Variants in SLC35F3 observed in about 807,000 individuals in gnomAD.
SLC35F3 encodes the protein putative thiamine transporter SLC35F3.
Under a neutral mutation model 49.9 loss-of-function variants are expected in SLC35F3, and 25 were observed. That is an observed-to-expected ratio of 0.50 (90% confidence interval 0.37 to 0.70). The LOEUF (loss-of-function observed/expected upper bound fraction) is 0.70. SLC35F3 is among the 30% of genes least tolerant of loss of function. SLC35F3 has a pLI of 0.00. For missense variants in SLC35F3, 525 were observed against 639.8 expected (o/e 0.82, Z 1.94); for synonymous variants, 275 against 265.4 (o/e 1.04, Z -0.35).
chr1:234,302,132 C>T (rs1294320462), intron 3 of SLC35F3, among the ~76,000 whole-genome samples: 4 of 151,864 alleles, frequency 2.6e-5, no homozygotes, highest in African/African-American at 9.7e-5. Context: ...CACACCTGCA[C>T]ATTCTGCACA....
chr1:234,083,262 T>C (rs923074319), intron 2 of SLC35F3, among the ~76,000 whole-genome samples: 3 of 152,226 alleles, frequency 2.0e-5, no homozygotes, highest in Non-Finnish European at 4.4e-5. Context: ...GCATGCTAAT[T>C]CTCAAAGCAG....
intron 2 of SLC35F3, among the ~76,000 whole-genome samples, chr1:234,068,018 C>T (rs993415165): frequency 2.6e-5 from 4 of 152,130 alleles, no homozygotes; most frequent in Admixed American, 6.5e-5. Context: ...TTCAGGTAAC[C>T]GAGAGCCTTC....
At chr1:234,045,899 A>G (rs1664284332) in intron 2 of SLC35F3, among the ~76,000 whole-genome samples, 1 of 152,148 alleles carries the variant, frequency 6.6e-6, no homozygotes, top group Non-Finnish European at 1.5e-5. Context: ...AAGTGCCACA[A>G]AACTGGAGTA....
intron 2 of SLC35F3, among the ~76,000 whole-genome samples, chr1:233,924,827 G>C (rs1388410528): frequency 1.3e-5 from 2 of 152,184 alleles, no homozygotes; most frequent in Non-Finnish European, 2.9e-5. Flanking sequence ...ATTCTGGTAT[G>C]TTGTGTCTTT....
chr1:234,303,460 C>T (rs1166520675), intron 3 of SLC35F3, among the ~76,000 whole-genome samples: 1 of 152,228 alleles, frequency 6.6e-6, no homozygotes, highest in Non-Finnish European at 1.5e-5. Flanking sequence ...TGGAGCTGGC[C>T]TGCTTCCAGC....
chr1:233,915,158 C>A (rs1337188803), intron 2 of SLC35F3, among the ~76,000 whole-genome samples: 4 of 152,192 alleles, frequency 2.6e-5, no homozygotes, highest in East Asian at 1.9e-4. Flanking sequence ...TGTCAATCTG[C>A]TATCTACCAT....
At chr1:234,216,376 G>C (rs1170454231) in intron 2 of SLC35F3, among the ~76,000 whole-genome samples, 1 of 152,200 alleles carries the variant, frequency 6.6e-6, no homozygotes, top group Non-Finnish European at 1.5e-5. Context: ...CGCGGATGGT[G>C]GGGCTACCTG....
chr1:233,928,195 C>A (rs1401019312), intron 2 of SLC35F3, among the ~76,000 whole-genome samples: 1 of 152,036 alleles, frequency 6.6e-6, no homozygotes, highest in Non-Finnish European at 1.5e-5. Flanking sequence ...TCAAGTCGAC[C>A]TATAGTGAGC....
At chr1:234,286,410 C>T (rs1668420796) in intron 3 of SLC35F3, among the ~76,000 whole-genome samples, 1 of 152,176 alleles carries the variant, frequency 6.6e-6, no homozygotes, top group South Asian at 2.1e-4. Context: ...CGGGGGCGGG[C>T]AGCCCGAATG....
intron 7 of SLC35F3, among the ~76,000 whole-genome samples, chr1:234,322,685 G>GTA (rs1657652785): frequency 6.9e-6 from 1 of 144,726 alleles, no homozygotes. Flanking sequence ...GTGTGTGTGT[G>GTA]TACTATCTAT....
chr1:233,911,035 C>A (rs1423010536), intron 2 of SLC35F3, among the ~76,000 whole-genome samples: 1 of 152,114 alleles, frequency 6.6e-6, no homozygotes, highest in Non-Finnish European at 1.5e-5. Context: ...AAATGTAGGG[C>A]ACTGAATAAC....
rs117067402 is a variant in SLC35F3, at chr1:234,047,108, G to C, written c.283+141350G>C. ...CTTTTTGAGATTTTGATTAAACATA[G>C]CTTACTTTTTCATATTCTTCTGAGG... is the stretch of plus-strand genomic sequence containing the variant. On this transcript the variant is annotated intron_variant, in intron 2 of 7. Coordinates refer to ENST00000366618, the MANE Select transcript of SLC35F3 (RefSeq NM_173508.4). 3.2e-4 allele frequency among the ~76,000 whole-genome samples: 49 copies of C among 152,214 alleles called. 3 individuals are homozygous for C. In the East Asian group the frequency reaches 9.3e-3, roughly 29 times the overall value.
intron 3 of SLC35F3, among the ~76,000 whole-genome samples, chr1:234,233,359 C>A (rs1275167327): frequency 1.3e-5 from 2 of 152,218 alleles, no homozygotes; most frequent in East Asian, 3.8e-4. Flanking sequence ...TATGCACGTT[C>A]TTGATCAAGA....
At chr1:234,127,076 C>G (rs1665659161) in intron 2 of SLC35F3, among the ~76,000 whole-genome samples, 1 of 152,204 alleles carries the variant, frequency 6.6e-6, no homozygotes, top group Non-Finnish European at 1.5e-5. Context: ...GCTTTCTTCT[C>G]TCAGCATAAT....
chr1:234,292,628 G>A (rs1353062709), intron 3 of SLC35F3, among the ~76,000 whole-genome samples: 1 of 152,168 alleles, frequency 6.6e-6, no homozygotes, highest in Non-Finnish European at 1.5e-5. Context: ...ACCCCCAAAT[G>A]TTCTGTCTTG....
chr1:234,118,798 T>C (rs1330470653), intron 2 of SLC35F3, among the ~76,000 whole-genome samples: 4 of 152,072 alleles, frequency 2.6e-5, no homozygotes, highest in Non-Finnish European at 5.9e-5. Flanking sequence ...GAACCAACTC[T>C]TCTGATTCAA....
chr1:233,956,265 C>T (rs1571995929), intron 2 of SLC35F3, among the ~76,000 whole-genome samples: 2 of 152,202 alleles, frequency 1.3e-5, no homozygotes, highest in African/African-American at 2.4e-5. Flanking sequence ...GTAGCAGAGT[C>T]CATATTCTAA....
intron 3 of SLC35F3, among the ~76,000 whole-genome samples, chr1:234,253,692 T>C (rs1386208269): frequency 2.0e-5 from 3 of 152,154 alleles, no homozygotes; most frequent in Non-Finnish European, 4.4e-5. Context: ...AGTATGACCA[T>C]CCAGGGTGTT....
intron 3 of SLC35F3, among the ~76,000 whole-genome samples, chr1:234,255,687 T>C (rs576061672): frequency 4.6e-5 from 7 of 152,328 alleles, no homozygotes; most frequent in African/African-American, 1.7e-4. Context: ...GACTGTTTGA[T>C]TCCAGCTATG....
Sources: gnomAD v4.1 joint callset for allele counts (sites outside exome capture counted in the v4.1 genomes callset) on GRCh38, gnomAD v4.1.1 for gene constraint, MANE v1.5 for transcripts, NCBI Gene and HGNC (gene_info 2026-07-23, HGNC 2026-07-21) for gene names.